Variants in DST observed in about 807,000 individuals in gnomAD.
DST encodes the protein dystonin, also known as bullous pemphigoid antigen.
DST carries 253 observed loss-of-function variants against 875.2 expected under a neutral mutation model. The ratio of observed to expected loss-of-function variants is 0.29; its 90% CI spans 0.26 to 0.32. DST has a LOEUF of 0.32. DST is among the 10% of genes least tolerant of loss of function. DST has a pLI of 1.00. For synonymous variants in DST, 3,124 were observed against 3,197.1 expected (o/e 0.98, Z 0.77); for missense variants, 8,287 against 9,111.6 (o/e 0.91, Z 3.68).
intron 62 of DST, 141 bp from the exon 63 acceptor site, chr6:56,535,433 A>T (rs2096976785): frequency 1.0e-6 from 1 of 1,001,494 alleles, no homozygotes; most frequent in African/African-American, 1.7e-5. Context: ...TACCCAAAGT[A>T]TCGATAGTAG....
At chr6:56,540,161 CA>C (rs1362609013) in intron 61 of DST, 2 of 152,446 alleles carry the variant, frequency 1.3e-5, no homozygotes, top group African/African-American at 4.8e-5. Flanking sequence ...ACCTCCAAAA[CA>C]AAAGTGTGGA....
At chr6:56,492,524 T>A in intron 84 of DST, 91 bp from the exon 85 acceptor site, 1 of 1,314,786 alleles carries the variant, frequency 7.6e-7, no homozygotes, top group Non-Finnish European at 1.1e-6. Flanking sequence ...GAAATTATTT[T>A]AAAGGACAAA....
At chr6:56,821,864 A>G (rs920056717) in intron 4 of DST, among the ~76,000 whole-genome samples, 4 of 152,164 alleles carry the variant, frequency 2.6e-5, no homozygotes, top group East Asian at 3.9e-4. Flanking sequence ...AAATACATGA[A>G]CTCAGACTAG....
chr6:56,918,949 C>G (rs1369717563), intron 2 of DST, among the ~76,000 whole-genome samples: 2 of 152,106 alleles, frequency 1.3e-5, no homozygotes, highest in African/African-American at 2.4e-5. Context: ...CCATTTTTTT[C>G]TCTGAATTGT....
chr6:56,619,559 C>A, intron 36 of DST: 1 of 1,613,864 alleles, frequency 6.2e-7, no homozygotes, highest in Non-Finnish European at 8.5e-7. Context: ...AGCATGTGCC[C>A]TTGTGATTCT....
intron 49 of DST, among the ~76,000 whole-genome samples, chr6:56,580,555 AAAAT>A (rs3031091): frequency 0.026 from 3,797 of 146,590 alleles, 79 homozygotes; most frequent in Non-Finnish European, 0.043. Flanking sequence ...CTACTTTCTT[AAAAT>A]AAATAAATAA....
chr6:56,472,004 T>G (rs1287173145), intron 94 of DST, 55 bp downstream of exon 94: 1 of 1,575,606 alleles, frequency 6.3e-7, no homozygotes, highest in African/African-American at 1.3e-5. Context: ...TGGCAATGTG[T>G]TATGAGGAAT....
At chr6:56,950,776 C>T (rs1298284519) in intron 2 of DST, among the ~76,000 whole-genome samples, 1 of 152,192 alleles carries the variant, frequency 6.6e-6, no homozygotes. Flanking sequence ...AATTATTTCA[C>T]ATTCTCATAT....
chr6:56,718,207 A>C (rs2099401677), intron 5 of DST, among the ~76,000 whole-genome samples: 1 of 152,242 alleles, frequency 6.6e-6, no homozygotes. Context: ...CCTAGGTGAC[A>C]GAGCAAGACC....
intron 30 of DST, among the ~76,000 whole-genome samples, chr6:56,630,627 CTTTG>C (rs780370392): frequency 7.9e-5 from 12 of 152,270 alleles, no homozygotes; most frequent in South Asian, 4.1e-4. Context: ...TTCTTTCTAA[CTTTG>C]TTTAAGTATG....
intron 2 of DST, among the ~76,000 whole-genome samples, chr6:56,949,964 C>T (rs1020976372): frequency 1.3e-5 from 2 of 152,150 alleles, no homozygotes; most frequent in Admixed American, 6.5e-5. Flanking sequence ...TTTAGGATAA[C>T]TTACATAATC....
intron 3 of DST, among the ~76,000 whole-genome samples, chr6:56,891,778 C>T (rs887737899): frequency 4.7e-5 from 7 of 149,066 alleles, no homozygotes; most frequent in Non-Finnish European, 4.5e-5. Flanking sequence ...GAGCTGAGAT[C>T]GCACCACTGC....
At chr6:56,943,404 T>C (rs1817698257) in intron 2 of DST, among the ~76,000 whole-genome samples, 1 of 151,780 alleles carries the variant, frequency 6.6e-6, no homozygotes, top group South Asian at 2.1e-4. Context: ...TCAGGGATAT[T>C]TTCAACTCAT....
In DST at chr6:56,504,093, T is replaced by C. The variant is rs773314213; in HGVS notation, c.19470A>G (p.Val6490=). 1.5e-5 allele frequency: 24 copies of C among 1,607,006 alleles called. No homozygotes were observed. The East Asian group carries it at 5.2e-4, about 35-fold the overall frequency. Residue 6490 remains valine, a synonymous_variant, in exon 78 of 104, where the codon GTA becomes GTG. Transcript: ENST00000680361. ...CACCTGCAATATCTACCCAGTCAAA[T>C]ACCGCCTGAAAGACACATTCGCCCA... ...AVQYQDGLQA[V]FDWVDIAGGK...
At chr6:56,681,643 T>C (rs903616807) in intron 9 of DST, among the ~76,000 whole-genome samples, 1 of 152,220 alleles carries the variant, frequency 6.6e-6, no homozygotes, top group Non-Finnish European at 1.5e-5. Context: ...AGCCCTCTAA[T>C]ATGTGAGCAG....
intron 44 of DST, 41 bp downstream of exon 44, chr6:56,601,402 A>G (rs1563091085): frequency 7.3e-7 from 1 of 1,374,776 alleles, no homozygotes; most frequent in Non-Finnish European, 1.0e-6. Context: ...ATGGTTTCAC[A>G]CTAAAAACAA....
At position 56,919,739 on chromosome 6, in the gene DST, G is replaced by A. The variant is rs534943622; in HGVS notation, c.217-19118C>T. Among the ~76,000 whole-genome samples, 7 of 152,316 alleles carry A rather than the reference G, an allele frequency of 4.6e-5. No homozygotes were observed. In the East Asian group the frequency reaches 1.4e-3, roughly 29 times the overall value. ...AGGCAGGCATATCACTTGAGCCCAGGAGTTTGAGGGCAGCCTGGCCAATAT... is the reference window on the plus strand; with the variant it reads ...AGGCAGGCATATCACTTGAGCCCAGAAGTTTGAGGGCAGCCTGGCCAATAT... On this transcript the variant is annotated intron_variant, in intron 2 of 103. Coordinates refer to ENST00000680361, the MANE Select transcript of DST (RefSeq NM_001374736.1).
At chr6:56,517,725 C>T (rs1029816413) in intron 69 of DST, 105 bp from the exon 70 acceptor site, 21 of 1,340,552 alleles carry the variant, frequency 1.6e-5, no homozygotes, top group Middle Eastern at 2.5e-4. Context: ...GTGGAAAATC[C>T]GAGCTTGTCT....
chr6:56,609,386 A>G (rs1488476973), intron 39 of DST, 42 bp from the exon 40 acceptor site: 1 of 1,435,332 alleles, frequency 7.0e-7, no homozygotes, highest in South Asian at 1.3e-5. Flanking sequence ...TCTGTTACAC[A>G]AGGGTGGGCG....
Sources: gnomAD v4.1 joint callset for allele counts (sites outside exome capture counted in the v4.1 genomes callset) on GRCh38, gnomAD v4.1.1 for gene constraint, MANE v1.5 for transcripts, NCBI Gene and HGNC (gene_info 2026-07-23, HGNC 2026-07-21) for gene names.